PCOLCE2: variants seen among roughly 807,000 people sequenced by gnomAD.
The protein encoded by PCOLCE2 is procollagen C-endopeptidase enhancer 2.
Under a neutral mutation model 47.0 loss-of-function variants are expected in PCOLCE2, and 42 were observed. The ratio of observed to expected loss-of-function variants is 0.89; its 90% CI spans 0.70 to 1.16. The LOEUF is 1.16. PCOLCE2 is among the 50% of genes most tolerant of loss of function. The pLI is 0.00. For synonymous variants in PCOLCE2, 169 were observed against 191.7 expected (o/e 0.88, Z 0.98); for missense variants, 500 against 526.1 (o/e 0.95, Z 0.49).
At chr3:142,885,634 G>A (rs2707982) in intron 2 of PCOLCE2, among the ~76,000 whole-genome samples, 97,925 of 151,958 alleles carry the variant, frequency 0.64, 31,836 homozygotes, top group African/African-American at 0.72. Context: ...AGAAGACTCC[G>A]CATTTCTTCA....
chr3:142,860,624 T>C (rs1035130403), intron 2 of PCOLCE2, among the ~76,000 whole-genome samples: 2 of 152,128 alleles, frequency 1.3e-5, no homozygotes, highest in Non-Finnish European at 2.9e-5. Context: ...GTCAGGCTGG[T>C]CTCAAACTCC....
intron 2 of PCOLCE2, among the ~76,000 whole-genome samples, chr3:142,862,150 C>T (rs376976942): frequency 3.3e-5 from 5 of 152,170 alleles, no homozygotes; most frequent in African/African-American, 1.2e-4. Context: ...AGAAGAGAGA[C>T]AGCACCCTTG....
At chr3:142,854,925 C>G (rs1450288164) in intron 2 of PCOLCE2, among the ~76,000 whole-genome samples, 1 of 152,224 alleles carries the variant, frequency 6.6e-6, no homozygotes, top group African/African-American at 2.4e-5. Context: ...GAGGTTAAGA[C>G]ACTGCATGAT....
intron 2 of PCOLCE2, among the ~76,000 whole-genome samples, chr3:142,858,108 C>T (rs987656593): frequency 6.6e-6 from 1 of 152,206 alleles, no homozygotes; most frequent in Non-Finnish European, 1.5e-5. Flanking sequence ...CATCCAATTC[C>T]TAGACCTGGG....
intron 2 of PCOLCE2, among the ~76,000 whole-genome samples, chr3:142,885,624 A>T (rs1933706015): frequency 6.6e-6 from 1 of 152,186 alleles, no homozygotes. Flanking sequence ...CACTGTGGGC[A>T]GAAGACTCCG....
chr3:142,852,648 T>C (rs1054346526), intron 2 of PCOLCE2, among the ~76,000 whole-genome samples: 2 of 86,132 alleles, frequency 2.3e-5, no homozygotes. Flanking sequence ...CTGATCAAAA[T>C]GTGTGTGTGT....
chr3:142,854,879 C>A (rs1331483978), intron 2 of PCOLCE2, among the ~76,000 whole-genome samples: 1 of 152,212 alleles, frequency 6.6e-6, no homozygotes, highest in Admixed American at 6.5e-5. Flanking sequence ...ATTGGCCCAA[C>A]TTTATAGTTT....
intron 2 of PCOLCE2, among the ~76,000 whole-genome samples, chr3:142,881,386 G>T (rs1283076510): frequency 6.6e-6 from 1 of 151,862 alleles, no homozygotes; most frequent in African/African-American, 2.4e-5. Context: ...TATATTTGAA[G>T]GTATACCAAA....
In PCOLCE2 at chr3:142,826,296, C is replaced by T. The variant is rs757031809; in HGVS notation, c.866-2681G>A. On this transcript the variant is annotated intron_variant, in intron 6 of 8. Transcript: ENST00000295992. Reference sequence around the variant, plus strand: ...TTCTGGGATTACAGGTGTAAGCCACCGCACCTAGCCGACCCTGCCTATTTT... The same window carrying T: ...TTCTGGGATTACAGGTGTAAGCCACTGCACCTAGCCGACCCTGCCTATTTT... 4.6e-5 allele frequency among the ~76,000 whole-genome samples: 7 copies of T among 152,208 alleles called. No homozygotes were observed. In the East Asian group the frequency reaches 5.8e-4, roughly 13 times the overall value.
chr3:142,830,517 T>A (rs1410133337), intron 5 of PCOLCE2, among the ~76,000 whole-genome samples: 1 of 152,204 alleles, frequency 6.6e-6, no homozygotes, highest in East Asian at 1.9e-4. Context: ...ATTTCTATTA[T>A]AATCTCCATT....
At chr3:142,875,616 G>T (rs955684995) in intron 2 of PCOLCE2, among the ~76,000 whole-genome samples, 1 of 152,170 alleles carries the variant, frequency 6.6e-6, no homozygotes, top group Non-Finnish European at 1.5e-5. Flanking sequence ...CCGATGAAGA[G>T]GAAATCTCTG....
At position 142,823,535 on chromosome 3, in the gene PCOLCE2, A is replaced by G; in HGVS notation, c.946T>C (p.Phe316Leu). ...AAGACTGGCTTTTATTTCTTACCAA[A>G]GTCACTTGAACAATAATTGCCCTCC... ...TLEGNYCSSDFVLAGTVITTI... is the reference protein window; with the variant it reads ...TLEGNYCSSDLVLAGTVITTI... The change falls in exon 7 of 9, where the codon TTT becomes CTT. Residue 316 changes from phenylalanine (F) to leucine (L), a missense_variant. By Grantham distance (22) the Phe-to-Leu change is conservative. Transcript: ENST00000295992. 12 of 1,589,226 alleles carry G rather than the reference A, an allele frequency of 7.6e-6. No homozygotes were observed. The highest frequency in any genetic ancestry group is 1.1e-5 in the South Asian group (1 of 89,684).
At chr3:142,878,395 G>A (rs1933541763) in intron 2 of PCOLCE2, among the ~76,000 whole-genome samples, 1 of 152,102 alleles carries the variant, frequency 6.6e-6, no homozygotes, top group African/African-American at 2.4e-5. Flanking sequence ...CCTAGACTAA[G>A]AAACTCAAGA....
intron 4 of PCOLCE2, among the ~76,000 whole-genome samples, chr3:142,840,751 A>T (rs1330667859): frequency 6.6e-6 from 1 of 152,168 alleles, no homozygotes; most frequent in Non-Finnish European, 1.5e-5. Context: ...CCAGGTTATT[A>T]AAAAAATTGG....
rs1937278056 is a variant in PCOLCE2, at chr3:142,842,752, A to T, written c.573+172T>A. On this transcript the variant is annotated intron_variant, in intron 4 of 8. Transcript: ENST00000295992. The surrounding 1 kb of genome is among the most constrained non-coding windows in gnomAD (Gnocchi z 4.1). The stretch of plus-strand genomic sequence containing the variant: ...GAAACTCTGTCTCAAAAAAAAAAAA[A>T]AATATCTGGGGTCTTCGCATGAAGA... 6.6e-6 allele frequency among the ~76,000 whole-genome samples: 1 copy of T among 152,014 alleles called. No individual in the cohort carries two copies. The highest frequency in any genetic ancestry group is 2.4e-5 in the African/African-American group (1 of 41,368).
intron 3 of PCOLCE2, among the ~76,000 whole-genome samples, chr3:142,845,889 C>T (rs1479022849): frequency 3.9e-5 from 6 of 152,092 alleles, no homozygotes; most frequent in East Asian, 1.9e-4. Context: ...GCACAAAAAT[C>T]GCTTGAACCT....
At chr3:142,860,007 A>G (rs998981738) in intron 2 of PCOLCE2, among the ~76,000 whole-genome samples, 10 of 152,272 alleles carry the variant, frequency 6.6e-5, no homozygotes, top group African/African-American at 2.4e-4. Context: ...TGGTAGCATT[A>G]AATTGCTACA....
chr3:142,862,995 T>C (rs1933208679), intron 2 of PCOLCE2, among the ~76,000 whole-genome samples: 1 of 151,696 alleles, frequency 6.6e-6, no homozygotes, highest in Non-Finnish European at 1.5e-5. Context: ...TTGGGCATTT[T>C]AGATGATTAC....
At chr3:142,829,927 T>C (rs929506204) in intron 5 of PCOLCE2, 81 bp from the exon 6 acceptor site, 4 of 761,246 alleles carry the variant, frequency 5.3e-6, no homozygotes, top group African/African-American at 3.5e-5. Flanking sequence ...TAGTTTTCCA[T>C]TAACTTCCGA....
Sources: allele counts gnomAD v4.1 joint callset (sites outside exome capture counted in the v4.1 genomes callset), GRCh38; gene constraint gnomAD v4.1.1; non-coding constraint Gnocchi (gnomAD v3.1); transcripts MANE v1.5; gene names NCBI Gene and HGNC (gene_info 2026-07-23, HGNC 2026-07-21).